DOCK10: variants seen among roughly 807,000 people sequenced by gnomAD.
DOCK10 encodes the protein dedicator of cytokinesis 10, also known as dedicator of cytokinesis protein 10.
DOCK10 carries 145 observed loss-of-function variants against 280.1 expected under a neutral mutation model. That is an observed-to-expected ratio of 0.52 (90% confidence interval 0.45 to 0.59). The LOEUF is 0.59. DOCK10 is among the 20% of genes least tolerant of loss of function. The pLI is 0.00. For missense variants in DOCK10, 2,368 were observed against 2,651.7 expected (o/e 0.89, Z 2.35); for synonymous variants, 915 against 942.2 (o/e 0.97, Z 0.53).
At chr2:224,994,346 C>T (rs1470764917) in intron 1 of DOCK10, among the ~76,000 whole-genome samples, 1 of 152,190 alleles carries the variant, frequency 6.6e-6, no homozygotes, top group Non-Finnish European at 1.5e-5. Context: ...ACACTTCCCT[C>T]AGAAGACTGC....
In DOCK10 at chr2:224,840,534, G is replaced by C. The variant is rs529527847; in HGVS notation, c.2662-462C>G. 5.8e-4 allele frequency among the ~76,000 whole-genome samples: 88 copies of C among 152,294 alleles called. No homozygotes were observed. The Middle Eastern group carries it at 0.01, about 18-fold the overall frequency. ...ATGTTCAACGTCATTAATCATTGGAGAAATGCAAATTAAAACCACAGTGGG... is the reference window on the plus strand; with the variant it reads ...ATGTTCAACGTCATTAATCATTGGACAAATGCAAATTAAAACCACAGTGGG... On this transcript the variant is annotated intron_variant, in intron 23 of 55. Coordinates refer to ENST00000258390, the MANE Select transcript of DOCK10 (RefSeq NM_014689.3).
At position 224,853,013 on chromosome 2, in the gene DOCK10, C is replaced by T. The variant is rs1397815465; in HGVS notation, c.1998G>A (p.Arg666=). The change falls in exon 17 of 56, where the codon CGG becomes CGA. Residue 666 remains arginine, a synonymous_variant. Coordinates refer to ENST00000258390, the MANE Select transcript of DOCK10 (RefSeq NM_014689.3). ...EFVYDSTKYC[R]PYRVYKNQIY... Reference sequence around the variant, plus strand: ...TTTGATTTTTATATACTCTGTAAGGCCGACAATACTTTGTTGAATCGTAAA... The same window carrying T: ...TTTGATTTTTATATACTCTGTAAGGTCGACAATACTTTGTTGAATCGTAAA... 1 of 1,612,464 alleles carries T rather than the reference C, an allele frequency of 6.2e-7. No homozygotes were observed. Among genetic ancestry groups the T allele is most frequent in the Non-Finnish European group, 8.5e-7 (1 of 1,178,992 alleles).
chr2:224,896,775 A>C (rs1235977907), intron 3 of DOCK10, among the ~76,000 whole-genome samples: 1 of 152,158 alleles, frequency 6.6e-6, no homozygotes, highest in African/African-American at 2.4e-5. Flanking sequence ...AAAAAGTACC[A>C]TGAAGACAGG....
At chr2:224,946,937 C>A (rs1703454302) in intron 1 of DOCK10, 2 of 1,542,930 alleles carry the variant, frequency 1.3e-6, no homozygotes, top group South Asian at 2.4e-5. Flanking sequence ...TAAAAACCTT[C>A]CCTCGAAAAC....
chr2:224,846,650 C>T (rs898732928), intron 19 of DOCK10, among the ~76,000 whole-genome samples: 2 of 152,058 alleles, frequency 1.3e-5, no homozygotes, highest in African/African-American at 4.8e-5. Context: ...GAGCACGCCA[C>T]CACACCTAGA....
chr2:224,947,051 G>A, intron 1 of DOCK10: 7 of 1,404,162 alleles, frequency 5.0e-6, no homozygotes, highest in South Asian at 1.6e-5. Flanking sequence ...CTTTCTTCTT[G>A]GTAAAAAGGG....
intron 1 of DOCK10, among the ~76,000 whole-genome samples, chr2:225,031,488 C>T (rs1352118160): frequency 6.6e-6 from 1 of 152,214 alleles, no homozygotes; most frequent in African/African-American, 2.4e-5. Context: ...TTGAGACCCT[C>T]TGAAATCACA....
chr2:224,961,685 T>C (rs1704460414), intron 1 of DOCK10, among the ~76,000 whole-genome samples: 2 of 151,752 alleles, frequency 1.3e-5, no homozygotes, highest in South Asian at 4.2e-4. Flanking sequence ...TTTTGTATTT[T>C]TAGTAGAGAC....
At chr2:224,966,787 G>A (rs1704769436) in intron 1 of DOCK10, among the ~76,000 whole-genome samples, 1 of 152,014 alleles carries the variant, frequency 6.6e-6, no homozygotes, top group African/African-American at 2.4e-5. Flanking sequence ...CTGGCTTTAT[G>A]GCCAATTATA....
intron 3 of DOCK10, among the ~76,000 whole-genome samples, chr2:224,910,798 A>G (rs1383587406): frequency 6.6e-6 from 1 of 152,132 alleles, no homozygotes; most frequent in African/African-American, 2.4e-5. Flanking sequence ...TCATCACGGG[A>G]TATTTGTAAG....
intron 3 of DOCK10, among the ~76,000 whole-genome samples, chr2:224,902,428 A>G (rs1481565414): frequency 1.3e-5 from 2 of 152,200 alleles, no homozygotes; most frequent in Non-Finnish European, 2.9e-5. Context: ...GATGGTGGCA[A>G]TTTTAGTATT....
chr2:224,921,878 T>A (rs1262793492), intron 2 of DOCK10, among the ~76,000 whole-genome samples: 7 of 151,878 alleles, frequency 4.6e-5, no homozygotes, highest in Non-Finnish European at 8.8e-5. Context: ...GGCGGGTGGA[T>A]CACCTGAGGT....
Position 224,786,740 on chromosome 2 carries a change from C to G in DOCK10, c.5655+282G>C, listed in dbSNP as rs1691756887. The stretch of plus-strand genomic sequence containing the variant: ...TTATAATTAGATATTTTAGGGTGAG[C>G]TGGAAAGAAGAGAGTGTTGAAAAAT... On this transcript the variant is annotated intron_variant, in intron 50 of 55. Transcript: ENST00000258390. This position sits in a 1 kb window ranked among gnomAD's most constrained non-coding sequence, Gnocchi z 4.7. Among the ~76,000 whole-genome samples, 1 of 152,144 alleles carries G rather than the reference C, an allele frequency of 6.6e-6. No homozygotes were observed. The highest frequency in any genetic ancestry group is 2.4e-5 in the African/African-American group (1 of 41,424).
At position 224,814,382 on chromosome 2, in the gene DOCK10, A is replaced by G. The variant is rs1336714489; in HGVS notation, c.3365-18T>C. 1.4e-6 allele frequency: 2 copies of G among 1,478,112 alleles called. No individual in the cohort carries two copies. The allele number at this position is 1,478,112 out of a possible 1,614,324, so 91.6% of individuals were successfully genotyped here. A position where few individuals can be genotyped will look rare whatever the true frequency, so the allele number is the denominator to read the frequency against. On this transcript the variant is annotated intron_variant, in intron 30 of 55. Coordinates refer to ENST00000258390, the MANE Select transcript of DOCK10 (RefSeq NM_014689.3). ...CAAAGGATCTGAATTTAATATAAAT[A>G]AAAAGTTCAGATATATACATATACA... is the stretch of plus-strand genomic sequence containing the variant.
chr2:224,948,789 C>G (rs1466261435), intron 1 of DOCK10, among the ~76,000 whole-genome samples: 4 of 152,152 alleles, frequency 2.6e-5, no homozygotes, highest in African/African-American at 7.2e-5. Context: ...AACAATGGTG[C>G]CTTAAATTTC....
At chr2:224,846,698 T>C (rs768246257) in intron 19 of DOCK10, among the ~76,000 whole-genome samples, 2 of 152,234 alleles carry the variant, frequency 1.3e-5, no homozygotes, top group African/African-American at 2.4e-5. Flanking sequence ...GGTTTCACCA[T>C]GTTGGCCAGG....
At chr2:224,779,731 T>C (rs1447536173) in intron 50 of DOCK10, among the ~76,000 whole-genome samples, 1 of 152,240 alleles carries the variant, frequency 6.6e-6, no homozygotes, top group Non-Finnish European at 1.5e-5. Context: ...TGCTTTATAC[T>C]TCAAAAGCAC....
intron 1 of DOCK10, among the ~76,000 whole-genome samples, chr2:224,983,040 C>T (rs1365119711): frequency 1.3e-5 from 2 of 152,218 alleles, no homozygotes; most frequent in Non-Finnish European, 2.9e-5. Context: ...TCTGTTCCCA[C>T]ACATGCAGTT....
intron 50 of DOCK10, among the ~76,000 whole-genome samples, chr2:224,783,717 GC>G (rs1001314593): frequency 2.7e-5 from 4 of 147,654 alleles, no homozygotes; most frequent in African/African-American, 1.0e-4. Context: ...CTTCCCCACT[GC>G]CCCCCCTCAG....
Sources: gnomAD v4.1 joint callset for allele counts (sites outside exome capture counted in the v4.1 genomes callset) on GRCh38, gnomAD v4.1.1 for gene constraint, Gnocchi (gnomAD v3.1) non-coding constraint, MANE v1.5 for transcripts, NCBI Gene and HGNC (gene_info 2026-07-23, HGNC 2026-07-21) for gene names.